RYR1: variants seen among roughly 807,000 people sequenced by gnomAD.
The protein encoded by RYR1 is central core disease of muscle.
RYR1 carries 342 observed loss-of-function variants against 583.5 expected under a neutral mutation model. The observed-to-expected ratio is 0.59, with a 90% CI of 0.54 to 0.64. The LOEUF (loss-of-function observed/expected upper bound fraction) is 0.64. RYR1 is among the 30% of genes least tolerant of loss of function. The pLI, the probability that RYR1 is intolerant of heterozygous loss-of-function variation, is 0.00. For missense variants in RYR1, 6,032 were observed against 6,917.2 expected, an observed-to-expected ratio of 0.87 and a Z score of 4.54; for synonymous variants, 2,791 against 2,822.5, an observed-to-expected ratio of 0.99 and a Z score of 0.35.
At chr19:38,448,910 C>T (rs1396977248) in intron 11 of RYR1, 97 bp downstream of exon 11, 1 of 1,200,782 alleles carries the variant, frequency 8.3e-7, no homozygotes, top group Non-Finnish European at 1.2e-6. Flanking sequence ...TGCCACTGTA[C>T]TCCAGCCTGG....
chr19:38,458,802 T>A (rs943875896), intron 18 of RYR1, among the ~76,000 whole-genome samples: 1 of 152,126 alleles, frequency 6.6e-6, no homozygotes, highest in African/African-American at 2.4e-5. Flanking sequence ...TTTTTGTATT[T>A]TTAGTAGAGA....
In RYR1 at chr19:38,563,370, T is replaced by C. The variant is rs546537248; in HGVS notation, c.12625-1589T>C. Among the ~76,000 whole-genome samples, 8 of 152,254 alleles carry C rather than the reference T, an allele frequency of 5.3e-5. No individual in the cohort carries two copies. The South Asian group carries it at 1.5e-3, about 28-fold the overall frequency. ...ACCTCCACCTCCTGGGTTCAAGCGGTTTTCCTGTCTCAGCCTCCTGAGTAG... is the reference window on the plus strand; with the variant it reads ...ACCTCCACCTCCTGGGTTCAAGCGGCTTTCCTGTCTCAGCCTCCTGAGTAG... On this transcript the variant is annotated intron_variant, in intron 90 of 105. Transcript: ENST00000359596.
chr19:38,526,854 T>G, intron 71 of RYR1, 139 bp from the exon 72 acceptor site: 1 of 827,152 alleles, frequency 1.2e-6, no homozygotes, highest in Non-Finnish European at 2.0e-6. Flanking sequence ...TCTGCATCCT[T>G]TTGTTTCTCT....
chr19:38,475,026 C>G (rs968479645), intron 28 of RYR1, among the ~76,000 whole-genome samples: 1 of 152,136 alleles, frequency 6.6e-6, no homozygotes, highest in African/African-American at 2.4e-5. Flanking sequence ...AGCACCTATA[C>G]GAGAAATGCA....
intron 82 of RYR1, 88 bp from the exon 83 acceptor site, chr19:38,536,662 A>AC (rs1181908393): frequency 6.9e-7 from 1 of 1,459,466 alleles, no homozygotes; most frequent in African/African-American, 1.4e-5. Flanking sequence ...TCTGTCCCTG[A>AC]CTGTCATTGT....
chr19:38,523,714 C>T (rs1971328691), intron 69 of RYR1: 1 of 668,074 alleles, frequency 1.5e-6, no homozygotes. Context: ...CTGCTTTCCT[C>T]CCTATCCTTC....
chr19:38,523,304 G>A lies in RYR1; in HGVS notation c.10435G>A (p.Ala3479Thr), dbSNP rs1224110736. 3 of 1,614,064 alleles carry A rather than the reference G, an allele frequency of 1.9e-6. No homozygotes were observed. Among genetic ancestry groups the A allele is most frequent in the Non-Finnish European group, 2.5e-6 (3 of 1,180,054 alleles). ...GACTGCTGACAACAAAAGCAAAATG[G>A]CTAAGGTCGGGGCTTGGTTCTGGGA... is the stretch of plus-strand genomic sequence containing the variant. ...FLTADNKSKMAKAGDIQSGGS... is the reference protein window; with the variant it reads ...FLTADNKSKMTKAGDIQSGGS... Residue 3479 changes from alanine (A) to threonine (T), a missense_variant, in exon 69 of 106, where the codon GCT becomes ACT. Physicochemically the swap from Ala to Thr is moderately conservative, Grantham distance 58. This residue lies in a region of RYR1 where 1,493 missense variants were observed against 1,715.5 expected (regional missense o/e 0.87). Coordinates refer to ENST00000359596, the MANE Select transcript of RYR1 (RefSeq NM_000540.3).
In RYR1 at chr19:38,439,924, C is replaced by A. The variant is rs370192264; in HGVS notation, c.46-821C>A. Among the ~76,000 whole-genome samples the A allele has an allele frequency of 5.1e-4, 78 of 152,308 alleles. 1 individual carries two copies. In the South Asian group the frequency reaches 8.3e-3, roughly 16 times the overall value. ...AAATAGCAGTCTATTATTAAAACAA[C>A]ACGCAAAAGAGAGAATTTAGAGAAA... On this transcript the variant is annotated intron_variant, in intron 1 of 105. Transcript: ENST00000359596.
intron 84 of RYR1, among the ~76,000 whole-genome samples, chr19:38,542,107 T>TG (rs1972223456): frequency 2.0e-5 from 3 of 150,446 alleles, no homozygotes; most frequent in Non-Finnish European, 4.4e-5. Context: ...GGGACTGTTT[T>TG]TTTTTTTTTT....
At chr19:38,513,485 A>G (rs558126518) in intron 63 of RYR1, among the ~76,000 whole-genome samples, 2 of 152,222 alleles carry the variant, frequency 1.3e-5, no homozygotes, top group East Asian at 1.9e-4. Flanking sequence ...ATCTTAAAAA[A>G]AAGAAGAAAA....
chr19:38,433,759 C>A lies in RYR1; in HGVS notation c.-71C>A. On this transcript the variant is annotated 5_prime_UTR_variant, in exon 1 of 106. Transcript: ENST00000359596. ...TCTCCGACCCCAGCCCGCCCCCAGC[C>A]CTCCCGCCCAGCCCGCAGCCCCCTC... is the stretch of plus-strand genomic sequence containing the variant. 1 of 740,842 alleles carries A rather than the reference C, an allele frequency of 1.3e-6. No individual in the cohort carries two copies. The allele number at this position is 740,842 out of a possible 1,614,324, so 45.9% of individuals were successfully genotyped here.
At chr19:38,577,404 G>A (rs1974006527) in intron 97 of RYR1, among the ~76,000 whole-genome samples, 1 of 152,136 alleles carries the variant, frequency 6.6e-6, no homozygotes, top group South Asian at 2.1e-4. Context: ...TAGAAACCTG[G>A]GATCCCGTGT....
At chr19:38,511,700 C>T (rs1970733250) in intron 61 of RYR1, 90 bp downstream of exon 61, 1 of 1,464,716 alleles carries the variant, frequency 6.8e-7, no homozygotes, top group Non-Finnish European at 9.6e-7. Context: ...TTAATTTGAA[C>T]AACCTTTGTT....
chr19:38,580,418 G>A lies in RYR1; in HGVS notation c.14560G>A (p.Val4854Met), dbSNP rs1447246862. 2 of 1,614,022 alleles carry A rather than the reference G, an allele frequency of 1.2e-6. No individual in the cohort carries two copies. Among genetic ancestry groups the A allele is most frequent in the Non-Finnish European group, 1.7e-6 (2 of 1,179,996 alleles). ...LLAVVVYLYT[V>M]VAFNFFRKFY... ...GGCGGTGGTCGTCTACCTGTACACC[G>A]TGGTGGCCTTCAACTTCTTCCGCAA... Residue 4854 changes from valine to methionine, a missense_variant, in exon 101 of 106, where the codon GTG becomes ATG. By Grantham distance (21) the Val-to-Met change is conservative. This residue lies in a region of RYR1 where 189 missense variants were observed against 350.3 expected (regional missense o/e 0.54). Transcript: ENST00000359596.
In RYR1 at chr19:38,457,543, TACGC is replaced by T; in HGVS notation, c.1839_1842del (p.Arg614ProfsTer51). 1 of 1,614,170 alleles carries T rather than the reference TACGC, an allele frequency of 6.2e-7. No homozygotes were observed. The highest frequency in any genetic ancestry group is 1.1e-5 in the South Asian group (1 of 91,080). ...CTGTGTGTGTGTAATGGTGTGGCTG[TACGC>T]TCCAACCAAGATCTTATTACTGAGA... On this transcript the variant is annotated frameshift_variant, in exon 17 of 106. Transcript: ENST00000359596. LOFTEE classifies it high-confidence loss of function.
chr19:38,453,605 A>G (rs1808683277), intron 13 of RYR1, among the ~76,000 whole-genome samples: 1 of 151,556 alleles, frequency 6.6e-6, no homozygotes, highest in African/African-American at 2.4e-5. Flanking sequence ...AAATAAGTAA[A>G]TTGTATGGCA....
Position 38,543,698 on chromosome 19 carries a change from G to T in RYR1, c.11907+38G>T. ...CCCTGGGGCGGGAGTGGGAAGGGAG[G>T]GGGTCCCGCATCGTGATCCCTGATC... On this transcript the variant is annotated intron_variant, in intron 86 of 105. Transcript: ENST00000359596. This position sits in a 1 kb window ranked among gnomAD's most constrained non-coding sequence, Gnocchi z 4.4. 1 of 1,612,042 alleles carries T rather than the reference G, an allele frequency of 6.2e-7. No homozygotes were observed. Among genetic ancestry groups the T allele is most frequent in the South Asian group, 1.1e-5 (1 of 91,082 alleles).
intron 89 of RYR1, among the ~76,000 whole-genome samples, chr19:38,556,254 G>A (rs937407567): frequency 2.0e-5 from 3 of 151,892 alleles, no homozygotes; most frequent in Non-Finnish European, 2.9e-5. Flanking sequence ...AGGCCAAGGC[G>A]GGAGGATCAC....
chr19:38,502,807 G>GGGGAGGAGCAGT, intron 48 of RYR1, 73 bp from the exon 49 acceptor site: 1 of 1,087,100 alleles, frequency 9.2e-7, no homozygotes, highest in African/African-American at 2.7e-5. Flanking sequence ...GCAGGGGCAG[G>GGGGAGGAGCAGT]GGGAGGAGCA....
Sources: allele counts gnomAD v4.1 joint callset (sites outside exome capture counted in the v4.1 genomes callset), GRCh38; gene constraint gnomAD v4.1.1; regional missense constraint gnomAD v4.1.1; non-coding constraint Gnocchi (gnomAD v3.1); transcripts MANE v1.5; gene names NCBI Gene and HGNC (gene_info 2026-07-23, HGNC 2026-07-21).